ITGBL1: variants seen among roughly 807,000 people sequenced by gnomAD.
ITGBL1 encodes integrin subunit beta like 1.
A neutral mutation model predicts 68.5 loss-of-function variants in ITGBL1; 51 were observed. The ratio of observed to expected loss-of-function variants is 0.74; its 90% CI spans 0.59 to 0.94. The LOEUF (loss-of-function observed/expected upper bound fraction) is 0.94. Among genes scored for constraint, ITGBL1 ranks in the 40% least tolerant of loss-of-function variants. ITGBL1 has a pLI of 0.00. For missense variants in ITGBL1, 649 were observed against 647.4 expected (o/e 1.00, Z -0.03); for synonymous variants, 209 against 227.3 (o/e 0.92, Z 0.72).
chr13:101,715,497 T>C, intron 10 of ITGBL1, 66 bp from the exon 11 acceptor site: 1 of 1,066,344 alleles, frequency 9.4e-7, no homozygotes, highest in South Asian at 1.3e-5. Context: ...TTGTGATTTA[T>C]AATAGCATGT....
At chr13:101,710,664 GTTCT>G (rs1251976772) in intron 9 of ITGBL1, 37 of 152,192 alleles carry the variant, frequency 2.4e-4, no homozygotes, top group African/African-American at 7.5e-4. Flanking sequence ...AGATGTTCAA[GTTCT>G]TTCTTTATTT....
intron 8 of ITGBL1, among the ~76,000 whole-genome samples, chr13:101,699,979 T>C (rs1033956231): frequency 3.3e-5 from 5 of 152,228 alleles, no homozygotes; most frequent in Non-Finnish European, 5.9e-5. Flanking sequence ...TGAATGTTCT[T>C]GTCTGGCTTC....
At chr13:101,475,160 C>T (rs902028080) in intron 2 of ITGBL1, among the ~76,000 whole-genome samples, 6 of 151,956 alleles carry the variant, frequency 3.9e-5, no homozygotes, top group Non-Finnish European at 8.8e-5. Flanking sequence ...TTTAAAATAC[C>T]TGTTTTGGGG....
At chr13:101,565,516 C>G (rs900225189) in intron 2 of ITGBL1, among the ~76,000 whole-genome samples, 1 of 152,068 alleles carries the variant, frequency 6.6e-6, no homozygotes, top group Non-Finnish European at 1.5e-5. Flanking sequence ...GTCATCTTTG[C>G]CTCCAAACAG....
intron 7 of ITGBL1, among the ~76,000 whole-genome samples, chr13:101,640,330 A>G (rs1004334561): frequency 3.3e-5 from 5 of 152,222 alleles, no homozygotes; most frequent in African/African-American, 4.8e-5. Flanking sequence ...GATTAAAGTT[A>G]AATTTTAAAA....
chr13:101,697,293 A>T (rs1362990858), intron 8 of ITGBL1, among the ~76,000 whole-genome samples: 1 of 152,186 alleles, frequency 6.6e-6, no homozygotes, highest in Non-Finnish European at 1.5e-5. Flanking sequence ...TTAATTGATC[A>T]TCCTAGAATA....
At chr13:101,591,195 G>A (rs188535685) in intron 6 of ITGBL1, among the ~76,000 whole-genome samples, 3 of 152,264 alleles carry the variant, frequency 2.0e-5, no homozygotes, top group South Asian at 2.1e-4. Flanking sequence ...GAGTCACCAC[G>A]TCCGATGGGA....
chr13:101,514,070 A>T (rs2049157740), intron 2 of ITGBL1, among the ~76,000 whole-genome samples: 1 of 152,064 alleles, frequency 6.6e-6, no homozygotes. Context: ...GTAAACACAA[A>T]CACATGTTCT....
At chr13:101,513,013 G>A (rs940259734) in intron 2 of ITGBL1, among the ~76,000 whole-genome samples, 3 of 152,030 alleles carry the variant, frequency 2.0e-5, no homozygotes, top group African/African-American at 7.2e-5. Flanking sequence ...CATTTGGCAA[G>A]CATTTTGTCA....
chr13:101,562,886 C>A (rs2050122982), intron 2 of ITGBL1, among the ~76,000 whole-genome samples: 1 of 151,598 alleles, frequency 6.6e-6, no homozygotes, highest in Admixed American at 6.6e-5. Context: ...CAAGATAGAT[C>A]ATCTTCTGGG....
chr13:101,459,921 T>G (rs201119087), intron 2 of ITGBL1, among the ~76,000 whole-genome samples: 1 of 152,148 alleles, frequency 6.6e-6, no homozygotes, highest in East Asian at 1.9e-4. Flanking sequence ...ACGAAGTAAG[T>G]AGTATGGGAA....
chr13:101,575,771 CATT>C (rs1187434002), intron 4 of ITGBL1, among the ~76,000 whole-genome samples: 3 of 152,246 alleles, frequency 2.0e-5, no homozygotes, highest in African/African-American at 7.2e-5. Context: ...AGAGCTGTGT[CATT>C]ATGGCAACAG....
chr13:101,600,215 C>G (rs1353549740), intron 7 of ITGBL1, among the ~76,000 whole-genome samples: 1 of 152,014 alleles, frequency 6.6e-6, no homozygotes, highest in Non-Finnish European at 1.5e-5. Context: ...AATGGGAGTT[C>G]ACTCATGATT....
At chr13:101,558,232 T>C (rs1462609862) in intron 2 of ITGBL1, among the ~76,000 whole-genome samples, 1 of 151,916 alleles carries the variant, frequency 6.6e-6, no homozygotes, top group Non-Finnish European at 1.5e-5. Context: ...AGATATTGCA[T>C]GTTCTCACTT....
intron 3 of ITGBL1, among the ~76,000 whole-genome samples, chr13:101,570,819 A>T (rs367750756): frequency 2.6e-5 from 4 of 152,166 alleles, no homozygotes; most frequent in East Asian, 3.9e-4. Context: ...TTCTTCTTTA[A>T]TGTAGACATT....
chr13:101,622,038 A>G (rs2031605072), intron 7 of ITGBL1, among the ~76,000 whole-genome samples: 1 of 152,124 alleles, frequency 6.6e-6, no homozygotes, highest in African/African-American at 2.4e-5. Context: ...ATAAGCAGGC[A>G]GGGGTTTCTA....
chr13:101,498,953 T>C (rs2048898660), intron 2 of ITGBL1, among the ~76,000 whole-genome samples: 1 of 152,144 alleles, frequency 6.6e-6, no homozygotes, highest in Admixed American at 6.5e-5. Flanking sequence ...CCAAGCCCCT[T>C]ATAAAACCAT....
At chr13:101,526,800 T>G (rs1176332528) in intron 2 of ITGBL1, among the ~76,000 whole-genome samples, 1 of 152,092 alleles carries the variant, frequency 6.6e-6, no homozygotes, top group Admixed American at 6.6e-5. Context: ...GATTTATGTA[T>G]TATCTGCTTA....
At chr13:101,510,150 G>A (rs1258974952) in intron 2 of ITGBL1, among the ~76,000 whole-genome samples, 1 of 151,986 alleles carries the variant, frequency 6.6e-6, no homozygotes, top group Non-Finnish European at 1.5e-5. Flanking sequence ...GTAAACCAGT[G>A]CTCCCTTCCT....
Sources: allele counts gnomAD v4.1 joint callset (sites outside exome capture counted in the v4.1 genomes callset), GRCh38; gene constraint gnomAD v4.1.1; transcripts MANE v1.5; gene names NCBI Gene and HGNC (gene_info 2026-07-23, HGNC 2026-07-21).